Variants in IQCH observed in about 807,000 individuals in gnomAD.
IQCH encodes the protein IQ domain-containing protein H.
IQCH carries 98 observed loss-of-function variants against 117.0 expected under a neutral mutation model. The observed-to-expected ratio is 0.84, with a 90% CI of 0.71 to 0.99. The LOEUF is 0.99. Ranked by LOEUF, IQCH falls within the 50% of genes least tolerant of loss-of-function variation. The probability of loss-of-function intolerance (pLI) is 0.00; values close to 1 mark genes in which losing one functional copy is unlikely to be tolerated. For synonymous variants in IQCH, 412 were observed against 448.2 expected, an observed-to-expected ratio of 0.92 and a Z score of 1.02; for missense variants, 1,102 against 1,243.8, an observed-to-expected ratio of 0.89 and a Z score of 1.72.
chr15:67,423,642 C>T (rs555170569), intron 16 of IQCH, among the ~76,000 whole-genome samples: 25 of 149,720 alleles, frequency 1.7e-4, no homozygotes, highest in Admixed American at 1.3e-3. Context: ...GTAGCTCACG[C>T]CTGTAATACC....
At chr15:67,259,704 A>G (rs1350018740) in intron 1 of IQCH, among the ~76,000 whole-genome samples, 1 of 152,274 alleles carries the variant, frequency 6.6e-6, no homozygotes, top group African/African-American at 2.4e-5. Context: ...TCAAAGGAGG[A>G]ACCAAAAAAT....
chr15:67,408,267 T>C lies in IQCH; in HGVS notation c.2097+7962T>C, dbSNP rs756347307. 2 of 152,240 alleles carry C rather than the reference T, an allele frequency of 1.3e-5. No individual in the cohort carries two copies. 9.4% of individuals were successfully genotyped at this position (152,240 alleles called of 1,614,324 possible). On this transcript the variant is annotated intron_variant, in intron 14 of 20. Coordinates refer to ENST00000335894, the MANE Select transcript of IQCH (RefSeq NM_001031715.3). The surrounding 1 kb of genome is among the most constrained non-coding windows in gnomAD (Gnocchi z 4.2). ...TTTGCTGAAAACCACAGAGCAGGCA[T>C]GGGCATTTGGAACCGTTTCAGAATG... is the stretch of plus-strand genomic sequence containing the variant.
chr15:67,409,450 C>T (rs1454124143), intron 14 of IQCH, among the ~76,000 whole-genome samples: 4 of 152,128 alleles, frequency 2.6e-5, no homozygotes, highest in Non-Finnish European at 5.9e-5. Flanking sequence ...GGGGGCAAAG[C>T]AGTTGTGCTG....
chr15:67,354,099 G>A (rs1969786381), intron 6 of IQCH, among the ~76,000 whole-genome samples: 1 of 152,064 alleles, frequency 6.6e-6, no homozygotes, highest in South Asian at 2.1e-4. Context: ...GAAAAAAAGA[G>A]GAAAAGCTTA....
At chr15:67,286,612 T>G (rs183460676) in intron 4 of IQCH, among the ~76,000 whole-genome samples, 1,808 of 79,222 alleles carry the variant, frequency 0.023, 29 homozygotes, top group African/African-American at 0.071. Flanking sequence ...ATTTATTTAT[T>G]TATGTATTTA....
chr15:67,415,452 A>G (rs1274976067), intron 14 of IQCH, among the ~76,000 whole-genome samples: 3 of 152,110 alleles, frequency 2.0e-5, no homozygotes, highest in Admixed American at 6.6e-5. Context: ...ACTTACTAAG[A>G]TAACTAATGA....
intron 18 of IQCH, among the ~76,000 whole-genome samples, chr15:67,487,429 A>AACACACACACACAC (rs111875205): frequency 6.8e-5 from 10 of 148,096 alleles, no homozygotes; most frequent in Non-Finnish European, 1.3e-4. Flanking sequence ...ACTTAAGGAA[A>AACACACACACACAC]ACACACACAC....
At chr15:67,328,137 G>C (rs1016233564) in intron 4 of IQCH, among the ~76,000 whole-genome samples, 3 of 138,776 alleles carry the variant, frequency 2.2e-5, no homozygotes, top group African/African-American at 7.9e-5. Context: ...GTTTTGTGGG[G>C]GTTTTTTGTT....
In IQCH at chr15:67,401,874, T is replaced by C. The variant is rs1971674160; in HGVS notation, c.2097+1569T>C. On this transcript the variant is annotated intron_variant, in intron 14 of 20. Coordinates refer to ENST00000335894, the MANE Select transcript of IQCH (RefSeq NM_001031715.3). The surrounding 1 kb of genome is among the most constrained non-coding windows in gnomAD (Gnocchi z 4.7). ...CTTTGAACTGGATTTTATTTCGTATTGTATAGATTTTTTTTAAAGCAACAC... is the reference window on the plus strand; with the variant it reads ...CTTTGAACTGGATTTTATTTCGTATCGTATAGATTTTTTTTAAAGCAACAC... Among the ~76,000 whole-genome samples, 2 of 152,216 alleles carry C rather than the reference T, an allele frequency of 1.3e-5. No homozygotes were observed. Among genetic ancestry groups the C allele is most frequent in the Admixed American group, 1.3e-4 (2 of 15,282 alleles).
At chr15:67,322,187 A>G (rs1968167235) in intron 4 of IQCH, among the ~76,000 whole-genome samples, 2 of 152,172 alleles carry the variant, frequency 1.3e-5, no homozygotes, top group Non-Finnish European at 2.9e-5. Context: ...CCTGGTTATA[A>G]GAAACTTTCA....
chr15:67,263,168 C>A lies in IQCH; in HGVS notation c.221C>A (p.Thr74Lys). 1 of 1,583,046 alleles carries A rather than the reference C, an allele frequency of 6.3e-7. No homozygotes were observed. The highest frequency in any genetic ancestry group is 8.7e-7 in the Non-Finnish European group (1 of 1,152,036). ...AATGTTGTAAACCAGAATGTATTAA[C>A]GACTTCTGTTAATGATGAGAGCTTA... ...YLNVVNQNVL[T>K]TSVNDESLYT... The change falls in exon 3 of 21, where the codon ACG becomes AAG. Residue 74 changes from threonine to lysine, a missense_variant. By Grantham distance (78) the Thr-to-Lys change is moderately conservative. Around this residue, in one of 2 missense-constraint regions of IQCH, gnomAD observed 452 missense variants for 449.6 expected, o/e 1.01. Transcript: ENST00000335894.
At chr15:67,280,471 A>G (rs1352829828) in intron 4 of IQCH, among the ~76,000 whole-genome samples, 1 of 152,196 alleles carries the variant, frequency 6.6e-6, no homozygotes, top group Non-Finnish European at 1.5e-5. Flanking sequence ...GTGTCTGGTG[A>G]GGTCTTTCTT....
rs962107638 is a variant in IQCH at position 67,281,312 on chromosome 15, T to C, written c.387+1800T>C. 4.3e-4 allele frequency among the ~76,000 whole-genome samples: 39 copies of C among 91,020 alleles called. 1 individual carries two copies. Among genetic ancestry groups the C allele is most frequent in the Middle Eastern group, 7.4e-3 (1 of 136 alleles). 59.7% of individuals were successfully genotyped at this position (91,020 alleles called of 152,430 possible). A position where few individuals can be genotyped will look rare whatever the true frequency, so the allele number is the denominator to read the frequency against. On this transcript the variant is annotated intron_variant, in intron 4 of 20. Coordinates refer to ENST00000335894, the MANE Select transcript of IQCH (RefSeq NM_001031715.3). ...ACTAACATGAGGCAGATTGATTAAT[T>C]AGGAGAAAAGGCATACAAGTTTATT...
At chr15:67,281,033 A>T (rs1054913998) in intron 4 of IQCH, among the ~76,000 whole-genome samples, 1 of 152,004 alleles carries the variant, frequency 6.6e-6, no homozygotes, top group African/African-American at 2.4e-5. Context: ...TTTAGTAGAG[A>T]TGGGGTTTCA....
At chr15:67,327,423 A>G (rs1968460372) in intron 4 of IQCH, among the ~76,000 whole-genome samples, 2 of 152,130 alleles carry the variant, frequency 1.3e-5, no homozygotes, top group East Asian at 3.8e-4. Context: ...AATAAATCAC[A>G]TCAAATCTTA....
At chr15:67,448,652 C>A (rs1345826198) in intron 16 of IQCH, among the ~76,000 whole-genome samples, 3 of 152,030 alleles carry the variant, frequency 2.0e-5, no homozygotes, top group Admixed American at 6.6e-5. Context: ...GGTTCCAAGT[C>A]TTTGCTATTG....
At chr15:67,440,548 G>A (rs1356732604) in intron 16 of IQCH, among the ~76,000 whole-genome samples, 2 of 152,204 alleles carry the variant, frequency 1.3e-5, no homozygotes, top group African/African-American at 4.8e-5. Flanking sequence ...TACCAGGGAT[G>A]CAGGGATGGT....
At chr15:67,485,985 GA>G (rs2083464497) in intron 18 of IQCH, among the ~76,000 whole-genome samples, 1 of 139,686 alleles carries the variant, frequency 7.2e-6, no homozygotes. Context: ...AAAGTAGCTA[GA>G]AAAAAAATTA....
chr15:67,474,456 T>A lies in IQCH; in HGVS notation c.2677-1240T>A, dbSNP rs2083153213. 6.6e-6 allele frequency among the ~76,000 whole-genome samples: 1 copy of A among 152,180 alleles called. No individual in the cohort carries two copies. Among genetic ancestry groups the A allele is most frequent in the African/African-American group, 2.4e-5 (1 of 41,438 alleles). On this transcript the variant is annotated intron_variant, in intron 17 of 20. Transcript: ENST00000335894. This position sits in a 1 kb window ranked among gnomAD's most constrained non-coding sequence, Gnocchi z 4.1. ...AGCTATCTAGAGAAAAACAGCTGAT[T>A]GACTAAGGCAAATATCACATCTCAA... is the stretch of plus-strand genomic sequence containing the variant.
Sources: allele counts gnomAD v4.1 joint callset (sites outside exome capture counted in the v4.1 genomes callset), GRCh38; gene constraint gnomAD v4.1.1; regional missense constraint gnomAD v4.1.1; non-coding constraint Gnocchi (gnomAD v3.1); transcripts MANE v1.5; gene names NCBI Gene and HGNC (gene_info 2026-07-23, HGNC 2026-07-21).